The following CPNE3 variants were observed in gnomAD, a reference collection of about 807,000 sequenced individuals.
CPNE3 encodes copine 3.
Under a neutral mutation model 63.9 loss-of-function variants are expected in CPNE3, and 68 were observed. The ratio of observed to expected loss-of-function variants is 1.06; its 90% CI spans 0.87 to 1.30. CPNE3 has a LOEUF of 1.30. Among genes scored for constraint, CPNE3 ranks in the 50% most tolerant of loss-of-function variants. The probability of loss-of-function intolerance (pLI) is 0.00; values close to 1 mark genes in which losing one functional copy is unlikely to be tolerated. For synonymous variants in CPNE3, 219 were observed against 197.5 expected, an observed-to-expected ratio of 1.11 and a Z score of -0.91; for missense variants, 665 against 578.1, an observed-to-expected ratio of 1.15 and a Z score of -1.54.
intron 6 of CPNE3, among the ~76,000 whole-genome samples, chr8:86,533,305 G>A (rs914830990): frequency 7.2e-5 from 11 of 152,096 alleles, no homozygotes; most frequent in Admixed American, 3.9e-4. Context: ...CACTTTGGGA[G>A]GCCGAGGTGG....
At chr8:86,546,998 C>T (rs143444918) in intron 10 of CPNE3, among the ~76,000 whole-genome samples, 3 of 152,018 alleles carry the variant, frequency 2.0e-5, no homozygotes, top group African/African-American at 4.8e-5. Context: ...TGTGAGCCAC[C>T]GCATCCGACC....
rs1236868655 is a variant in CPNE3, at chr8:86,560,857, AT to A, written c.*2450del. The A allele has an allele frequency of 1.3e-5, 2 of 152,184 alleles. No homozygotes were observed. Among genetic ancestry groups the A allele is most frequent in the African/African-American group, 2.4e-5 (1 of 41,440 alleles). 9.4% of individuals were successfully genotyped at this position (152,184 alleles called of 1,614,324 possible). A position where few individuals can be genotyped will look rare whatever the true frequency, so the allele number is the denominator to read the frequency against. On this transcript the variant is annotated 3_prime_UTR_variant, in exon 17 of 17. Transcript: ENST00000517490. ...TAAGTGCTGTTTGTTCTTAAAATGC[AT>A]TTAAAGAAAAATTACCCATATTGAC... is the stretch of plus-strand genomic sequence containing the variant.
intron 14 of CPNE3, 149 bp downstream of exon 14, chr8:86,551,383 T>C: frequency 1.6e-6 from 1 of 639,018 alleles, no homozygotes; most frequent in South Asian, 2.0e-5. Flanking sequence ...TAACTTTCTG[T>C]TGTATAAGGT....
At chr8:86,520,189 G>A (rs1011624139) in intron 2 of CPNE3, among the ~76,000 whole-genome samples, 10 of 152,164 alleles carry the variant, frequency 6.6e-5, no homozygotes. Flanking sequence ...TAGGGTTATA[G>A]TACATTAATG....
At chr8:86,520,002 G>A (rs28540009) in intron 2 of CPNE3, among the ~76,000 whole-genome samples, 34,672 of 151,864 alleles carry the variant, frequency 0.23, 4,152 homozygotes, top group Non-Finnish European at 0.27. Context: ...GTGAGCCACC[G>A]CACCTGGCCC....
chr8:86,528,524 T>C lies in CPNE3; in HGVS notation c.-10-12T>C, dbSNP rs749611532. On this transcript the variant is annotated splice_polypyrimidine_tract_variant and intron_variant, in intron 2 of 16. Coordinates refer to ENST00000517490, the MANE Select transcript of CPNE3 (RefSeq NM_003909.5). Reference sequence around the variant, plus strand: ...TGTTTTACTTGCTTTCTCTTTTTATTGGTTTTCTCAGAACTCAAGACATGG... The same window carrying C: ...TGTTTTACTTGCTTTCTCTTTTTATCGGTTTTCTCAGAACTCAAGACATGG... The C allele has an allele frequency of 6.2e-7, 1 of 1,610,792 alleles. No individual in the cohort carries two copies. Among genetic ancestry groups the C allele is most frequent in the South Asian group, 1.1e-5 (1 of 90,342 alleles).
At chr8:86,552,972 C>CCCCCCCCCCCCCCCCCCCCCCCA (rs1554602826) in intron 14 of CPNE3, among the ~76,000 whole-genome samples, 1 of 18,938 alleles carries the variant, frequency 5.3e-5, no homozygotes, top group Non-Finnish European at 2.0e-4. Flanking sequence ...GCCCCCCCCC[C>CCCCCCCCCCCCCCCCCCCCCCCA]CCCCCCGCCC....
intron 14 of CPNE3, 84 bp downstream of exon 14, chr8:86,551,318 T>TC: frequency 1.0e-6 from 1 of 1,001,042 alleles, no homozygotes; most frequent in Non-Finnish European, 1.5e-6. Context: ...TTGTTTTTTT[T>TC]CTTGTGATTA....
chr8:86,551,310 G>GT (rs996881092), intron 14 of CPNE3, 76 bp downstream of exon 14: 194 of 1,053,870 alleles, frequency 1.8e-4, no homozygotes, highest in East Asian at 8.2e-4. Context: ...TTTGTTCTTT[G>GT]TTTTTTTTCT....
chr8:86,541,792 G>C (rs749015501), intron 8 of CPNE3, among the ~76,000 whole-genome samples: 1 of 151,030 alleles, frequency 6.6e-6, no homozygotes, highest in Admixed American at 6.6e-5. Flanking sequence ...ATCAATCTAA[G>C]TATGATTTGT....
intron 15 of CPNE3, among the ~76,000 whole-genome samples, chr8:86,555,577 T>C (rs1162356783): frequency 6.6e-6 from 1 of 152,232 alleles, no homozygotes; most frequent in Non-Finnish European, 1.5e-5. Context: ...ATGGAGTCAC[T>C]ACTTGATGTA....
chr8:86,521,446 A>G (rs759770958), intron 2 of CPNE3, among the ~76,000 whole-genome samples: 1 of 152,202 alleles, frequency 6.6e-6, no homozygotes. Context: ...GTCAGGCTGA[A>G]TATTACTTTT....
intron 4 of CPNE3, among the ~76,000 whole-genome samples, chr8:86,529,760 G>T (rs1433705927): frequency 1.3e-5 from 2 of 152,162 alleles, no homozygotes; most frequent in African/African-American, 4.8e-5. Context: ...GATTCATAAG[G>T]AGAGATTATG....
At position 86,560,145 on chromosome 8, in the gene CPNE3, A is replaced by G. The variant is rs891694942; in HGVS notation, c.*1735A>G. 2.6e-5 allele frequency: 4 copies of G among 152,210 alleles called. No homozygotes were observed. Among genetic ancestry groups the G allele is most frequent in the Non-Finnish European group, 2.9e-5 (2 of 68,046 alleles). The allele number at this position is 152,210 out of a possible 1,614,324, so 9.4% of individuals were successfully genotyped here. A position where few individuals can be genotyped will look rare whatever the true frequency, so the allele number is the denominator to read the frequency against. On this transcript the variant is annotated 3_prime_UTR_variant, in exon 17 of 17. Transcript: ENST00000517490. The stretch of plus-strand genomic sequence containing the variant: ...GCTACTCCATAGTATGGCTCAATAG[A>G]TGACACATCATTTTGACATTATCAA...
chr8:86,544,709 T>G (rs1202190879), intron 8 of CPNE3, 31 bp from the exon 9 acceptor site: 1 of 1,097,800 alleles, frequency 9.1e-7, no homozygotes, highest in South Asian at 2.4e-5. Flanking sequence ...CTATATTGAT[T>G]TTTATATATT....
intron 2 of CPNE3, among the ~76,000 whole-genome samples, chr8:86,526,865 T>C (rs887555345): frequency 2.6e-5 from 4 of 152,238 alleles, no homozygotes; most frequent in African/African-American, 7.2e-5. Context: ...GCAACCTACT[T>C]CATTTTTCTT....
chr8:86,555,059 T>C, intron 15 of CPNE3, 75 bp downstream of exon 15: 2 of 1,594,150 alleles, frequency 1.3e-6, no homozygotes, highest in East Asian at 4.5e-5. Context: ...TCTATGTTTT[T>C]GGTTTGTCAT....
chr8:86,535,607 A>G (rs576374433), intron 6 of CPNE3, among the ~76,000 whole-genome samples: 9 of 152,184 alleles, frequency 5.9e-5, no homozygotes, highest in African/African-American at 1.9e-4. Flanking sequence ...GGGGGAGGTT[A>G]CAGTGAGCCG....
At chr8:86,556,723 C>T (rs1001368554) in intron 16 of CPNE3, among the ~76,000 whole-genome samples, 3 of 152,110 alleles carry the variant, frequency 2.0e-5, no homozygotes, top group African/African-American at 7.2e-5. Context: ...AGCTATAGTA[C>T]AGAATCACAA....
Sources: allele counts gnomAD v4.1 joint callset (sites outside exome capture counted in the v4.1 genomes callset), GRCh38; gene constraint gnomAD v4.1.1; transcripts MANE v1.5; gene names NCBI Gene and HGNC (gene_info 2026-07-23, HGNC 2026-07-21).